Variants in MAN2B2 observed in about 807,000 individuals in gnomAD.
The protein encoded by MAN2B2 is epididymis-specific alpha-mannosidase.
In MAN2B2, 106 loss-of-function variants were observed where a neutral mutation model predicts 117.1. The observed-to-expected ratio is 0.90, with a 90% CI of 0.77 to 1.06. MAN2B2 has a LOEUF of 1.06. Ranked by LOEUF, MAN2B2 falls within the 50% of genes least tolerant of loss-of-function variation. The pLI is 0.00. For synonymous variants in MAN2B2, 544 were observed against 595.1 expected (o/e 0.91, Z 1.25); for missense variants, 1,326 against 1,381.4 (o/e 0.96, Z 0.64).
rs781555649 is a variant in MAN2B2 at position 6,609,857 on chromosome 4, A to T, written c.2066A>T (p.Gln689Leu). The T allele has an allele frequency of 4.5e-5, 73 of 1,613,996 alleles. No individual in the cohort carries two copies. The highest frequency in any genetic ancestry group is 5.9e-6 in the Non-Finnish European group (7 of 1,180,046). The change falls in exon 13 of 19, where the codon CAG (glutamine) becomes CTG (leucine). Residue 689 changes from glutamine (Q) to leucine (L), a missense_variant. Gln to Leu is a moderately radical substitution (Grantham distance 113). Coordinates refer to ENST00000285599, the MANE Select transcript of MAN2B2 (RefSeq NM_015274.3). Reference sequence around the variant, plus strand: ...CGCTCCCGGCTCACCCATGTGCCGCAGGGCCATGACGGGGAGCTGCTCTGC... The same window carrying T: ...CGCTCCCGGCTCACCCATGTGCCGCTGGGCCATGACGGGGAGCTGCTCTGC... ...AIRSRLTHVP[Q>L]GHDGELLCHR...
At chr4:6,619,903 C>T in intron 17 of MAN2B2, 24 bp from the exon 18 acceptor site, 1 of 1,601,212 alleles carries the variant, frequency 6.2e-7, no homozygotes, top group Non-Finnish European at 8.6e-7. Flanking sequence ...GCAGCTCACT[C>T]TCCCTCTGCT....
At chr4:6,588,228 C>A (rs900524616) in intron 4 of MAN2B2, among the ~76,000 whole-genome samples, 1 of 152,182 alleles carries the variant, frequency 6.6e-6, no homozygotes, top group Non-Finnish European at 1.5e-5. Context: ...CAGGGCCACG[C>A]TCCCTCTGAA....
intron 16 of MAN2B2, among the ~76,000 whole-genome samples, chr4:6,616,643 C>T (rs1187421424): frequency 2.0e-5 from 3 of 152,168 alleles, no homozygotes; most frequent in African/African-American, 7.2e-5. Context: ...ACAGAGGCCA[C>T]GCAGCCTCCC....
At chr4:6,617,789 T>C in intron 17 of MAN2B2, 1 of 307,720 alleles carries the variant, frequency 3.2e-6, no homozygotes, top group Non-Finnish European at 6.1e-6. Context: ...CAAGTGATCC[T>C]CCCACCTCAA....
intron 5 of MAN2B2, among the ~76,000 whole-genome samples, 176 bp downstream of exon 5, chr4:6,589,336 G>A (rs1726771567): frequency 1.3e-5 from 2 of 152,214 alleles, no homozygotes; most frequent in South Asian, 2.1e-4. Flanking sequence ...CGCCTCCTGG[G>A]TTCAAGCGAT....
At chr4:6,578,860 G>A (rs565930736) in intron 3 of MAN2B2, among the ~76,000 whole-genome samples, 11 of 152,002 alleles carry the variant, frequency 7.2e-5, no homozygotes, top group African/African-American at 2.4e-4. Context: ...TTCAAATAAA[G>A]CACTTTAGTA....
At chr4:6,594,868 C>A in intron 7 of MAN2B2, 136 bp downstream of exon 7, 3 of 891,424 alleles carry the variant, frequency 3.4e-6, no homozygotes, top group Admixed American at 2.2e-5. Context: ...CTGTGTGGGG[C>A]GCAGGGGCAG....
intron 3 of MAN2B2, among the ~76,000 whole-genome samples, chr4:6,585,828 CTGG>C (rs1480784252): frequency 6.6e-6 from 1 of 152,190 alleles, no homozygotes; most frequent in African/African-American, 2.4e-5. Context: ...CGCCATGTGA[CTGG>C]TCATGGCACA....
At position 6,621,326 on chromosome 4, in the gene MAN2B2, A is replaced by G; in HGVS notation, c.*41A>G. 2.6e-6 allele frequency: 4 copies of G among 1,534,228 alleles called. No homozygotes were observed. The highest frequency in any genetic ancestry group is 2.7e-6 in the Non-Finnish European group (3 of 1,110,818). The stretch of plus-strand genomic sequence containing the variant: ...CCCGGCCCCAGGGCTTCCCCCAGGA[A>G]CTCCATGTAACAGAACAGACCCAGG... On this transcript the variant is annotated 3_prime_UTR_variant, in exon 19 of 19. Transcript: ENST00000285599.
intron 11 of MAN2B2, among the ~76,000 whole-genome samples, chr4:6,606,219 G>A (rs1727540063): frequency 6.6e-6 from 1 of 152,248 alleles, no homozygotes; most frequent in African/African-American, 2.4e-5. Flanking sequence ...TATCAGGGGA[G>A]CTCAGCTCAA....
In MAN2B2 at chr4:6,609,020, G is replaced by A. The variant is rs1017716445; in HGVS notation, c.1815-87G>A. ...TGAGTGCTACGCAGGCCACTCAGAT[G>A]GCATCTGGAGAGAGAGGCTTGCCAG... On this transcript the variant is annotated intron_variant, in intron 11 of 18. Coordinates refer to ENST00000285599, the MANE Select transcript of MAN2B2 (RefSeq NM_015274.3). 6 of 1,284,324 alleles carry A rather than the reference G, an allele frequency of 4.7e-6. No homozygotes were observed. In the Admixed American group the frequency reaches 8.9e-5, roughly 19 times the overall value. The allele number at this position is 1,284,324 out of a possible 1,614,324, so 79.6% of individuals were successfully genotyped here.
chr4:6,609,260 G>A lies in MAN2B2; in HGVS notation c.1968G>A (p.Ala656=), dbSNP rs538817825. ...AWEAVEMEIV[A]GQLVTEIRQY... The stretch of plus-strand genomic sequence containing the variant: ...AAGCTGTGGAAATGGAGATTGTGGC[G>A]GGACAGCTTGTGACTGAGATCCGGC... The change falls in exon 12 of 19, where the codon GCG becomes GCA. Residue 656 remains alanine (A), a synonymous_variant. Transcript: ENST00000285599. 27 of 1,614,112 alleles carry A rather than the reference G, an allele frequency of 1.7e-5. No individual in the cohort carries two copies. Among genetic ancestry groups the A allele is most frequent in the East Asian group, 1.6e-4 (7 of 44,878 alleles).
intron 16 of MAN2B2, among the ~76,000 whole-genome samples, chr4:6,615,831 T>G (rs1711837375): frequency 6.6e-6 from 1 of 151,074 alleles, no homozygotes; most frequent in Non-Finnish European, 1.5e-5. Flanking sequence ...TGAGACAGAG[T>G]CTCAATCTGT....
At chr4:6,579,081 CCACCATCA>C in intron 3 of MAN2B2, among the ~76,000 whole-genome samples, 1 of 71,676 alleles carries the variant, frequency 1.4e-5, no homozygotes, top group Non-Finnish European at 2.7e-5. Flanking sequence ...ACCACCACCA[CCACCATCA>C]CCATCACCAG....
At chr4:6,584,787 A>G (rs1437108752) in intron 3 of MAN2B2, among the ~76,000 whole-genome samples, 1 of 152,212 alleles carries the variant, frequency 6.6e-6, no homozygotes. Flanking sequence ...GAGAACCAAT[A>G]TCTGACAGGA....
chr4:6,609,050 T>G (rs1577291705), intron 11 of MAN2B2, 57 bp from the exon 12 acceptor site: 2 of 1,508,168 alleles, frequency 1.3e-6, no homozygotes, highest in East Asian at 2.4e-5. Flanking sequence ...TGCCAGCCGG[T>G]GTCTGTAAGA....
intron 12 of MAN2B2, 94 bp from the exon 13 acceptor site, chr4:6,609,700 TGCCC>T: frequency 1.9e-6 from 1 of 539,470 alleles, no homozygotes; most frequent in Non-Finnish European, 3.4e-6. Context: ...CGGCGTACCC[TGCCC>T]TGCCCACCCT....
rs201102195 is a variant in MAN2B2, at chr4:6,621,257, C to T, written c.3002C>T (p.Thr1001Met). The T allele has an allele frequency of 1.7e-5, 27 of 1,614,102 alleles. No homozygotes were observed. In the East Asian group the frequency reaches 2.2e-4, roughly 13 times the overall value. The stretch of plus-strand genomic sequence containing the variant: ...ACCGTCCACCCAAAGGAAATCCGGA[C>T]GTTCTTTATTCACTTTCAACAGCAG... ...IITVHPKEIR[T>M]FFIHFQQQ The change falls in exon 19 of 19, where the codon ACG (threonine) becomes ATG (methionine). Residue 1001 changes from threonine to methionine, a missense_variant. Transcript: ENST00000285599.
intron 9 of MAN2B2, among the ~76,000 whole-genome samples, chr4:6,600,010 T>C (rs1727261861): frequency 1.3e-5 from 2 of 152,196 alleles, no homozygotes; most frequent in African/African-American, 4.8e-5. Flanking sequence ...CAGGAAAGTG[T>C]CCCCAGCAGA....
Sources: allele counts gnomAD v4.1 joint callset (sites outside exome capture counted in the v4.1 genomes callset), GRCh38; gene constraint gnomAD v4.1.1; transcripts MANE v1.5; gene names NCBI Gene and HGNC (gene_info 2026-07-23, HGNC 2026-07-21).